Variants in IL2 observed in about 807,000 individuals in gnomAD.
IL2 encodes the protein interleukin 2.
In IL2, 3 loss-of-function variants were observed where a neutral mutation model predicts 14.6. That is an observed-to-expected ratio of 0.21 (90% confidence interval 0.09 to 0.53). The LOEUF (loss-of-function observed/expected upper bound fraction) is 0.53. Ranked by LOEUF, IL2 falls within the 20% of genes least tolerant of loss-of-function variation. The pLI, the probability that IL2 is intolerant of heterozygous loss-of-function variation, is 0.95. For synonymous variants in IL2, 71 were observed against 60.0 expected (o/e 1.18, Z -0.85); for missense variants, 125 against 170.8 (o/e 0.73, Z 1.50).
At chr4:122,455,360 C>T (rs1393206562) in intron 2 of IL2, among the ~76,000 whole-genome samples, 1 of 151,796 alleles carries the variant, frequency 6.6e-6, no homozygotes, top group Non-Finnish European at 1.5e-5. Context: ...AATCCAAAAA[C>T]AACCTAATGA....
chr4:122,456,627 T>A lies in IL2; in HGVS notation c.-187A>T, dbSNP rs931180059. 4.0e-6 allele frequency: 2 copies of A among 494,250 alleles called. No homozygotes were observed. The highest frequency in any genetic ancestry group is 3.9e-5 in the African/African-American group (2 of 51,524). The allele number at this position is 494,250 out of a possible 1,614,324, so 30.6% of individuals were successfully genotyped here. ...AAAACATTACCTTCATTTTTCCTCTTCTGATGACTCTTTGGAATTTCTTTA... is the reference window on the plus strand; with the variant it reads ...AAAACATTACCTTCATTTTTCCTCTACTGATGACTCTTTGGAATTTCTTTA... On this transcript the variant is annotated 5_prime_UTR_variant, in exon 1 of 4. Transcript: ENST00000226730.
At chr4:122,454,567 C>A (rs899206588) in intron 2 of IL2, among the ~76,000 whole-genome samples, 4 of 151,554 alleles carry the variant, frequency 2.6e-5, no homozygotes, top group African/African-American at 9.7e-5. Flanking sequence ...CCAAAATAGG[C>A]CCATTTACTT....
At chr4:122,455,990 A>G (rs1043357048) in intron 2 of IL2, among the ~76,000 whole-genome samples, 154 bp downstream of exon 2, 1 of 151,660 alleles carries the variant, frequency 6.6e-6, no homozygotes, top group African/African-American at 2.4e-5. Flanking sequence ...AAACTGTTTT[A>G]ATAGAGGCTT....
chr4:122,455,011 G>T (rs1305842708), intron 2 of IL2, among the ~76,000 whole-genome samples: 2 of 151,726 alleles, frequency 1.3e-5, no homozygotes, highest in African/African-American at 2.4e-5. Context: ...ACAATGTGGA[G>T]AAATTTTCTT....
At chr4:122,453,915 A>T in intron 2 of IL2, 62 bp from the exon 3 acceptor site, 2 of 1,448,340 alleles carry the variant, frequency 1.4e-6, no homozygotes, top group Non-Finnish European at 1.9e-6. Flanking sequence ...ATTAATTTCC[A>T]ATTTATTTTA....
intron 2 of IL2, 40 bp from the exon 3 acceptor site, chr4:122,453,893 T>A (rs1341130336): frequency 1.3e-6 from 2 of 1,531,272 alleles, no homozygotes; most frequent in South Asian, 2.4e-5. Flanking sequence ...TACATAGAGG[T>A]CAGAATCAGA....
chr4:122,456,558 GT>G lies in IL2; in HGVS notation c.-119del. 1 of 732,608 alleles carries G rather than the reference GT, an allele frequency of 1.4e-6. No homozygotes were observed. Among genetic ancestry groups the G allele is most frequent in the Non-Finnish European group, 2.2e-6 (1 of 449,668 alleles). 45.4% of individuals were successfully genotyped at this position (732,608 alleles called of 1,614,324 possible). On this transcript the variant is annotated 5_prime_UTR_variant, in exon 1 of 4. Transcript: ENST00000226730. ...AAAAATATTATGGGGGTGTCAAAATGTTTTACATATTACACATATTTTCAAA... is the reference window on the plus strand; with the variant it reads ...AAAAATATTATGGGGGTGTCAAAATGTTTACATATTACACATATTTTCAAA...
chr4:122,453,656 T>C, intron 3 of IL2, 54 bp downstream of exon 3: 1 of 1,461,402 alleles, frequency 6.8e-7, no homozygotes, highest in South Asian at 1.3e-5. Context: ...GTGGTACTTT[T>C]CCCCCTACTT....
intron 3 of IL2, 119 bp downstream of exon 3, chr4:122,453,591 T>A: frequency 1.4e-6 from 1 of 740,140 alleles, no homozygotes; most frequent in Admixed American, 2.6e-5. Context: ...AAATGTAGGC[T>A]AATTACATGC....
intron 3 of IL2, 49 bp from the exon 4 acceptor site, chr4:122,451,911 A>C: frequency 1.2e-6 from 1 of 831,270 alleles, no homozygotes; most frequent in South Asian, 2.4e-5. Context: ...AGTTTACCTT[A>C]TATACAGTTA....
intron 2 of IL2, 89 bp downstream of exon 2, chr4:122,456,055 A>T: frequency 1.1e-6 from 1 of 904,944 alleles, no homozygotes; most frequent in Admixed American, 2.1e-5. Context: ...TTTACCTCAG[A>T]TGAGCTGCTA....
rs1560621176 is a variant in IL2, at chr4:122,456,125, C to T, written c.207+19G>A. On this transcript the variant is annotated intron_variant, in intron 2 of 3. Transcript: ENST00000226730. ...GAATTTTATTAAAACAGAAATTGAACATAAAATATTGTACTTACCTTCTTG... is the reference window on the plus strand; with the variant it reads ...GAATTTTATTAAAACAGAAATTGAATATAAAATATTGTACTTACCTTCTTG... 1 of 1,548,362 alleles carries T rather than the reference C, an allele frequency of 6.5e-7. No homozygotes were observed.
intron 2 of IL2, 76 bp downstream of exon 2, chr4:122,456,068 A>T: frequency 1.9e-6 from 2 of 1,038,770 alleles, no homozygotes; most frequent in South Asian, 1.3e-5. Flanking sequence ...AGCTGCTATT[A>T]GTCCCATCTG....
chr4:122,455,733 C>T (rs1797723430), intron 2 of IL2, among the ~76,000 whole-genome samples: 1 of 151,932 alleles, frequency 6.6e-6, no homozygotes, highest in Non-Finnish European at 1.5e-5. Context: ...TAGTGTTATG[C>T]TGCCTCTCAC....
intron 3 of IL2, among the ~76,000 whole-genome samples, chr4:122,452,112 T>C (rs1797682956): frequency 6.6e-6 from 1 of 152,112 alleles, no homozygotes; most frequent in Non-Finnish European, 1.5e-5. Flanking sequence ...ACAAAAATTT[T>C]TTCCCTAAAT....
chr4:122,456,315 C>T lies in IL2; in HGVS notation c.126G>A (p.Gln42=), dbSNP rs1291017981. The stretch of plus-strand genomic sequence containing the variant: ...TTACATTAATTCCATTCAAAATCAT[C>T]TGTAAATCCAGCAGTAAATGCTCCA... ...LQLEHLLLDL[Q]MILNGINNYK... The change falls in exon 1 of 4, where the codon CAG becomes CAA. Residue 42 remains glutamine (Q), a synonymous_variant. Coordinates refer to ENST00000226730, the MANE Select transcript of IL2 (RefSeq NM_000586.4). 6.2e-7 allele frequency: 1 copy of T among 1,610,516 alleles called. No individual in the cohort carries two copies. Among genetic ancestry groups the T allele is most frequent in the East Asian group, 2.2e-5 (1 of 44,806 alleles).
chr4:122,452,916 T>C (rs1329080683), intron 3 of IL2, among the ~76,000 whole-genome samples: 1 of 151,952 alleles, frequency 6.6e-6, no homozygotes, highest in Non-Finnish European at 1.5e-5. Context: ...AGGAACTGAA[T>C]CTGTCAATGT....
Position 122,453,702 on chromosome 4 carries a change from T to C in IL2, c.351+8A>G, listed in dbSNP as rs1797699189. Reference sequence around the variant, plus strand: ...ATTTCCAGGAGAGCAAATAAAGTAATGCCTTACCTTTAGTTCCAGAACTAT... The same window carrying C: ...ATTTCCAGGAGAGCAAATAAAGTAACGCCTTACCTTTAGTTCCAGAACTAT... On this transcript the variant is annotated splice_region_variant and intron_variant, in intron 3 of 3. Transcript: ENST00000226730. 2 of 1,590,126 alleles carry C rather than the reference T, an allele frequency of 1.3e-6. No individual in the cohort carries two copies. Among genetic ancestry groups the C allele is most frequent in the Non-Finnish European group, 1.7e-6 (2 of 1,170,466 alleles).
At chr4:122,451,976 T>TA (rs1332598701) in intron 3 of IL2, 114 bp from the exon 4 acceptor site, 2 of 404,434 alleles carry the variant, frequency 4.9e-6, no homozygotes, top group Non-Finnish European at 9.0e-6. Context: ...TTACCAAACA[T>TA]ATTAATTATT....
Sources: gnomAD v4.1 joint callset for allele counts (sites outside exome capture counted in the v4.1 genomes callset) on GRCh38, gnomAD v4.1.1 for gene constraint, MANE v1.5 for transcripts, NCBI Gene and HGNC (gene_info 2026-07-23, HGNC 2026-07-21) for gene names.